The following GAPVD1 variants were observed in gnomAD, a reference collection of about 807,000 sequenced individuals.
GAPVD1 encodes GTPase activating protein and VPS9 domains 1.
Under a neutral mutation model 155.5 loss-of-function variants are expected in GAPVD1, and 35 were observed. The observed-to-expected ratio is 0.23, with a 90% CI of 0.17 to 0.30. The LOEUF (loss-of-function observed/expected upper bound fraction) is 0.30. GAPVD1 is among the 10% of genes least tolerant of loss of function. GAPVD1 has a pLI of 1.00. For missense variants in GAPVD1, 1,429 were observed against 1,775.7 expected, an observed-to-expected ratio of 0.80 and a Z score of 3.51; for synonymous variants, 636 against 619.7, an observed-to-expected ratio of 1.03 and a Z score of -0.39.
rs1464301627 is a variant in GAPVD1 at position 125,327,999 on chromosome 9, A to G, written c.2032+1410A>G. Among the ~76,000 whole-genome samples the G allele has an allele frequency of 2.6e-5, 4 of 152,070 alleles. No individual in the cohort carries two copies. The East Asian group carries it at 7.7e-4, about 29-fold the overall frequency. Reference sequence around the variant, plus strand: ...ATTTTATTTCTAATTATTTTATGATATAGCTTTAAAAGGTAACTTTTATTA... The same window carrying G: ...ATTTTATTTCTAATTATTTTATGATGTAGCTTTAAAAGGTAACTTTTATTA... On this transcript the variant is annotated intron_variant, in intron 12 of 27. Coordinates refer to ENST00000297933, the MANE Select transcript of GAPVD1 (RefSeq NM_001282680.3).
intron 25 of GAPVD1, among the ~76,000 whole-genome samples, chr9:125,356,370 T>C (rs1386648151): frequency 6.6e-6 from 1 of 152,212 alleles, no homozygotes; most frequent in Non-Finnish European, 1.5e-5. Flanking sequence ...ATAGGATCTT[T>C]AGGAGCATCC....
rs777231779 is a variant in GAPVD1, at chr9:125,307,772, C to T, written c.1333C>T (p.Pro445Ser). The T allele has an allele frequency of 6.2e-7, 1 of 1,612,870 alleles. No individual in the cohort carries two copies. The highest frequency in any genetic ancestry group is 8.5e-7 in the Non-Finnish European group (1 of 1,178,882). Residue 445 changes from proline to serine, a missense_variant, in exon 8 of 28, where the codon CCC becomes TCC. Transcript: ENST00000297933. ...MALDNLLANLPPAKPGKSSSL... is the reference protein window; with the variant it reads ...MALDNLLANLSPAKPGKSSSL... ...TCTTGACAATTTATTGGCAAACCTA[C>T]CCCCGGCCAAGCCAGGAAAAAGTAG...
At chr9:125,305,819 A>G (rs1355235052) in intron 6 of GAPVD1, among the ~76,000 whole-genome samples, 2 of 151,768 alleles carry the variant, frequency 1.3e-5, no homozygotes, top group African/African-American at 4.8e-5. Context: ...ATGCCCGGCT[A>G]AGTGTTTTTA....
At chr9:125,338,157 G>A (rs752185670) in intron 17 of GAPVD1, among the ~76,000 whole-genome samples, 2 of 152,230 alleles carry the variant, frequency 1.3e-5, no homozygotes, top group Non-Finnish European at 2.9e-5. Flanking sequence ...TTACAGGCAT[G>A]AGCCACCGCA....
At chr9:125,331,283 C>G (rs780345607) in intron 13 of GAPVD1, among the ~76,000 whole-genome samples, 6 of 151,816 alleles carry the variant, frequency 4.0e-5, no homozygotes, top group Non-Finnish European at 7.4e-5. Context: ...TCAGTGCAAT[C>G]TCTGCCTCCT....
intron 1 of GAPVD1, among the ~76,000 whole-genome samples, chr9:125,265,169 A>G (rs917572068): frequency 6.6e-6 from 1 of 152,186 alleles, no homozygotes; most frequent in African/African-American, 2.4e-5. Flanking sequence ...AATAAAAGGG[A>G]AAGTCTGTAA....
At chr9:125,320,479 C>T (rs553242345) in intron 9 of GAPVD1, among the ~76,000 whole-genome samples, 68 of 152,054 alleles carry the variant, frequency 4.5e-4, no homozygotes, top group African/African-American at 1.5e-3. Flanking sequence ...ATCAAGTGGA[C>T]GTTCAGACTA....
chr9:125,306,059 C>A (rs183725098), intron 6 of GAPVD1, among the ~76,000 whole-genome samples: 1 of 152,194 alleles, frequency 6.6e-6, no homozygotes, highest in South Asian at 2.1e-4. Context: ...TTAAGCTGTA[C>A]ATTCAACCAA....
rs1380827497 is a variant in GAPVD1, at chr9:125,307,357, T to C, written c.1117-56T>C. 34 of 1,295,720 alleles carry C rather than the reference T, an allele frequency of 2.6e-5. No individual in the cohort carries two copies. The Middle Eastern group carries it at 5.9e-4, about 22-fold the overall frequency. 80.3% of individuals were successfully genotyped at this position (1,295,720 alleles called of 1,614,324 possible). A position where few individuals can be genotyped will look rare whatever the true frequency, so the allele number is the denominator to read the frequency against. The stretch of plus-strand genomic sequence containing the variant: ...CATGCTTGTCCACCTTAATGAGAAA[T>C]TTCGTTCCAGTATTTTAAAGGGAAA... On this transcript the variant is annotated intron_variant, in intron 6 of 27. Transcript: ENST00000297933.
Position 125,307,849 on chromosome 9 carries a change from T to G in GAPVD1, c.1410T>G (p.Thr470=), listed in dbSNP as rs750649937. ...CACCTCAGCTATCTCCAGCAACCAC[T>G]CCAGCAAATAAAAAGAATCGATTAC... ...YNTPQLSPAT[T]PANKKNRLPI... The change falls in exon 8 of 28, where the codon ACT becomes ACG. Residue 470 remains threonine (T), a synonymous_variant. Coordinates refer to ENST00000297933, the MANE Select transcript of GAPVD1 (RefSeq NM_001282680.3). The G allele has an allele frequency of 3.1e-6, 5 of 1,612,436 alleles. 1 individual carries two copies. The Admixed American group carries it at 6.7e-5, about 21-fold the overall frequency.
chr9:125,291,510 A>G (rs1049695683), intron 2 of GAPVD1, among the ~76,000 whole-genome samples: 4 of 152,162 alleles, frequency 2.6e-5, no homozygotes, highest in African/African-American at 9.7e-5. Context: ...AGGTTAGTTA[A>G]AAAGGTGGTA....
chr9:125,354,944 C>A, intron 24 of GAPVD1, 103 bp downstream of exon 24: 2 of 669,514 alleles, frequency 3.0e-6, no homozygotes, highest in Non-Finnish European at 5.1e-6. Context: ...TATCTGCATG[C>A]CTTAAATACC....
At chr9:125,310,102 A>G (rs186309928) in intron 8 of GAPVD1, 21 of 245,500 alleles carry the variant, frequency 8.6e-5, no homozygotes, top group Admixed American at 2.0e-4. Context: ...CTTTTACTTT[A>G]TGTAAATTGC....
chr9:125,310,539 T>A (rs1842512063), intron 8 of GAPVD1, among the ~76,000 whole-genome samples: 1 of 27,694 alleles, frequency 3.6e-5, no homozygotes, highest in African/African-American at 1.2e-3. Flanking sequence ...TTTTCTTGAT[T>A]TTTTTTTTTT....
intron 9 of GAPVD1, among the ~76,000 whole-genome samples, chr9:125,319,368 A>G (rs1446774928): frequency 6.7e-6 from 1 of 149,772 alleles, no homozygotes; most frequent in Non-Finnish European, 1.5e-5. Flanking sequence ...AATGAGTTCC[A>G]TCTTAAAAAA....
Position 125,362,964 on chromosome 9 carries a change from T to C in GAPVD1, c.*218T>C. ...TTCTGAGTTGCATATTCTATTTTCTTGTCCCCAAGTAGAGACTAGTACTAC... is the reference window on the plus strand; with the variant it reads ...TTCTGAGTTGCATATTCTATTTTCTCGTCCCCAAGTAGAGACTAGTACTAC... On this transcript the variant is annotated 3_prime_UTR_variant, in exon 28 of 28. Transcript: ENST00000297933. 1 of 314,186 alleles carries C rather than the reference T, an allele frequency of 3.2e-6. No homozygotes were observed. The highest frequency in any genetic ancestry group is 9.2e-5 in the South Asian group (1 of 10,856). 19.5% of individuals were successfully genotyped at this position (314,186 alleles called of 1,614,324 possible).
chr9:125,351,600 G>T (rs957611405), intron 23 of GAPVD1, among the ~76,000 whole-genome samples: 1 of 152,224 alleles, frequency 6.6e-6, no homozygotes, highest in Non-Finnish European at 1.5e-5. Flanking sequence ...AAAATTGGCA[G>T]AAACAAAGGG....
intron 9 of GAPVD1, among the ~76,000 whole-genome samples, chr9:125,317,281 G>A (rs572577804): frequency 6.6e-6 from 1 of 151,040 alleles, no homozygotes; most frequent in East Asian, 2.0e-4. Context: ...TTGCGCCATT[G>A]CACTCTAGCC....
intron 26 of GAPVD1, chr9:125,359,750 G>T: frequency 2.4e-6 from 1 of 413,526 alleles, no homozygotes; most frequent in East Asian, 4.2e-5. Context: ...GCTCTCAGGG[G>T]CAGTACCTCT....
Sources: gnomAD v4.1 joint callset for allele counts (sites outside exome capture counted in the v4.1 genomes callset) on GRCh38, gnomAD v4.1.1 for gene constraint, MANE v1.5 for transcripts, NCBI Gene and HGNC (gene_info 2026-07-23, HGNC 2026-07-21) for gene names.